Variants in TANC1 observed in about 807,000 individuals in gnomAD.
TANC1 encodes the protein tetratricopeptide repeat, ankyrin repeat and coiled-coil containing 1, also known as protein TANC1.
Under a neutral mutation model 149.7 loss-of-function variants are expected in TANC1, and 77 were observed. That is an observed-to-expected ratio of 0.51 (90% CI 0.43 to 0.62). The LOEUF is 0.62. TANC1 is among the 20% of genes least tolerant of loss of function. The pLI is 0.00. For missense variants in TANC1, 1,985 were observed against 2,321.8 expected (o/e 0.85, Z 2.98); for synonymous variants, 854 against 925.0 (o/e 0.92, Z 1.39).
rs371748384 is a variant in TANC1 at position 159,159,691 on chromosome 2, CGTGT to C, written c.683-3568_683-3565del. On this transcript the variant is annotated intron_variant, in intron 7 of 26. Coordinates refer to ENST00000263635, the MANE Select transcript of TANC1 (RefSeq NM_033394.3). The stretch of plus-strand genomic sequence containing the variant: ...ATACCACTAATTGTGCATACACATA[CGTGT>C]GTGTGTGTGTGTGTGTGTGTGTGAG... Among the ~76,000 whole-genome samples, 1,080 of 117,990 alleles carry C rather than the reference CGTGT, an allele frequency of 9.2e-3. 13 individuals are homozygous for C. The highest frequency in any genetic ancestry group is 0.012 in the Non-Finnish European group (649 of 54,650). 77.4% of individuals were successfully genotyped at this position (117,990 alleles called of 152,430 possible).
chr2:159,189,622 C>T (rs1025135077), intron 16 of TANC1, among the ~76,000 whole-genome samples: 3 of 152,116 alleles, frequency 2.0e-5, no homozygotes, highest in Admixed American at 6.5e-5. Flanking sequence ...CTTTTATCCT[C>T]ATTTTTTTAG....
rs2042608140 is a variant in TANC1, at chr2:159,065,845, T to G, written c.-15-51T>G. On this transcript the variant is annotated intron_variant, in intron 2 of 26. Transcript: ENST00000263635. Reference sequence around the variant, plus strand: ...CTCTTTTGTCAAGACACAAGTTATATTCCAACTTTCAATGTTTAATTCCTC... The same window carrying G: ...CTCTTTTGTCAAGACACAAGTTATAGTCCAACTTTCAATGTTTAATTCCTC... The G allele has an allele frequency of 2.0e-6, 3 of 1,479,190 alleles. No individual in the cohort carries two copies. The South Asian group carries it at 3.4e-5, about 17-fold the overall frequency. The allele number at this position is 1,479,190 out of a possible 1,614,324, so 91.6% of individuals were successfully genotyped here.
chr2:159,158,149 A>G (rs1366172909), intron 7 of TANC1, among the ~76,000 whole-genome samples: 1 of 152,144 alleles, frequency 6.6e-6, no homozygotes, highest in Admixed American at 6.5e-5. Context: ...TGAGCCCATT[A>G]GTTCAAAACC....
intron 1 of TANC1, among the ~76,000 whole-genome samples, chr2:158,987,041 T>TA (rs528717919): frequency 0.13 from 18,042 of 137,944 alleles, 1,326 homozygotes; most frequent in Middle Eastern, 0.19. Context: ...TGTCTCTACT[T>TA]AAAAAAAAAA....
chr2:159,083,701 G>A (rs2044518507), intron 3 of TANC1, among the ~76,000 whole-genome samples: 1 of 152,070 alleles, frequency 6.6e-6, no homozygotes, highest in Non-Finnish European at 1.5e-5. Context: ...TTTTCCCAGA[G>A]TAACACTCAA....
At chr2:159,205,626 A>AT (rs1390424786) in intron 19 of TANC1, among the ~76,000 whole-genome samples, 3 of 152,270 alleles carry the variant, frequency 2.0e-5, no homozygotes, top group African/African-American at 7.2e-5. Flanking sequence ...AGGCTGTACC[A>AT]TATAGTCTAG....
In TANC1 at chr2:159,122,447, T is replaced by A. The variant is rs2048944274; in HGVS notation, c.260-13747T>A. ...TTCTAACTAAAAAAAAAATTTAATG[T>A]GTTTTTTTAAAATTAACATAGAGCA... On this transcript the variant is annotated intron_variant, in intron 4 of 26. Transcript: ENST00000263635. Among the ~76,000 whole-genome samples the A allele has an allele frequency of 2.0e-5, 3 of 152,192 alleles. No individual in the cohort carries two copies. In the South Asian group the frequency reaches 6.2e-4, roughly 31 times the overall value.
intron 14 of TANC1, among the ~76,000 whole-genome samples, chr2:159,184,885 C>T (rs2056829936): frequency 6.6e-6 from 1 of 152,192 alleles, no homozygotes; most frequent in Non-Finnish European, 1.5e-5. Context: ...CTCCATCTGC[C>T]TTGATTTCCT....
chr2:158,981,803 A>C (rs1222183189), intron 1 of TANC1, among the ~76,000 whole-genome samples: 2 of 151,808 alleles, frequency 1.3e-5, no homozygotes, highest in Non-Finnish European at 2.9e-5. Context: ...CTCCATAGAC[A>C]CTTATTTTTA....
At chr2:159,114,735 AAATAAAGTT>A (rs2048065171) in intron 4 of TANC1, among the ~76,000 whole-genome samples, 2 of 152,156 alleles carry the variant, frequency 1.3e-5, no homozygotes, top group Non-Finnish European at 2.9e-5. Flanking sequence ...TTGGGCTTTA[AAATAAAGTT>A]CATTTTATTC....
At chr2:159,211,877 G>A (rs900849487) in intron 19 of TANC1, among the ~76,000 whole-genome samples, 12 of 152,212 alleles carry the variant, frequency 7.9e-5, no homozygotes, top group African/African-American at 2.9e-4. Flanking sequence ...GCCTCAAGAG[G>A]GAGTCACCAA....
At chr2:159,198,472 G>A (rs1302281858) in intron 18 of TANC1, among the ~76,000 whole-genome samples, 1 of 152,214 alleles carries the variant, frequency 6.6e-6, no homozygotes, top group East Asian at 1.9e-4. Context: ...CAGGCTTCCT[G>A]CCTCCATACC....
At chr2:159,204,162 T>C (rs2058448623) in intron 19 of TANC1, among the ~76,000 whole-genome samples, 1 of 152,234 alleles carries the variant, frequency 6.6e-6, no homozygotes, top group Non-Finnish European at 1.5e-5. Context: ...GTCCTTGTCA[T>C]ATAGGTATTG....
chr2:159,175,979 C>G (rs1256273322), intron 12 of TANC1, among the ~76,000 whole-genome samples: 2 of 152,140 alleles, frequency 1.3e-5, no homozygotes, highest in Admixed American at 6.5e-5. Context: ...CCCTGGAATC[C>G]ACTGGGGAGC....
intron 8 of TANC1, 148 bp from the exon 9 acceptor site, chr2:159,169,102 A>T (rs2054905349): frequency 3.0e-5 from 16 of 536,732 alleles, no homozygotes; most frequent in Non-Finnish European, 5.0e-5. Context: ...CAGAAAAATA[A>T]ACTGGGGCAA....
chr2:159,088,126 C>G (rs1015122408), intron 3 of TANC1, among the ~76,000 whole-genome samples: 1 of 151,638 alleles, frequency 6.6e-6, no homozygotes, highest in East Asian at 1.9e-4. Context: ...TTTAGGCCAC[C>G]CTATTTATGG....
At chr2:159,062,198 A>T (rs1230121306) in intron 2 of TANC1, among the ~76,000 whole-genome samples, 1 of 152,254 alleles carries the variant, frequency 6.6e-6, no homozygotes, top group Non-Finnish European at 1.5e-5. Flanking sequence ...AGATTGTGCC[A>T]CTGCATTCCA....
intron 2 of TANC1, chr2:159,004,363 A>C: frequency 6.4e-7 from 1 of 1,552,322 alleles, no homozygotes; most frequent in Non-Finnish European, 8.9e-7. Context: ...AGATTGAACA[A>C]ATCAGCTATG....
At chr2:159,157,874 T>C (rs939056272) in intron 7 of TANC1, among the ~76,000 whole-genome samples, 2 of 152,258 alleles carry the variant, frequency 1.3e-5, no homozygotes, top group Non-Finnish European at 2.9e-5. Flanking sequence ...GCATTCATGA[T>C]GCCTGAGGCA....
Sources: gnomAD v4.1 joint callset for allele counts (sites outside exome capture counted in the v4.1 genomes callset) on GRCh38, gnomAD v4.1.1 for gene constraint, MANE v1.5 for transcripts, NCBI Gene and HGNC (gene_info 2026-07-23, HGNC 2026-07-21) for gene names.